The following LMOD3 variants were observed in gnomAD, a reference collection of about 807,000 sequenced individuals.
LMOD3 encodes leiomodin 3.
LMOD3 carries 31 observed loss-of-function variants against 41.8 expected under a neutral mutation model. The observed-to-expected ratio is 0.74, with a 90% CI of 0.56 to 1.00. The LOEUF is 1.00. LMOD3 is among the 50% of genes least tolerant of loss of function. The pLI is 0.00. For synonymous variants in LMOD3, 292 were observed against 241.9 expected, an observed-to-expected ratio of 1.21 and a Z score of -1.92; for missense variants, 755 against 679.5, an observed-to-expected ratio of 1.11 and a Z score of -1.23.
At chr3:69,111,490 G>A (rs1241521392) in intron 2 of LMOD3, among the ~76,000 whole-genome samples, 1 of 152,104 alleles carries the variant, frequency 6.6e-6, no homozygotes, top group Non-Finnish European at 1.5e-5. Context: ...ATTATGGAAT[G>A]GAAAAAGAAG....
In LMOD3 at chr3:69,107,200, C is replaced by T. The variant is rs2092326320; in HGVS notation, c.*1895G>A. 1 of 151,886 alleles carries T rather than the reference C, an allele frequency of 6.6e-6. No homozygotes were observed. The highest frequency in any genetic ancestry group is 2.1e-4 in the South Asian group (1 of 4,830). The allele number at this position is 151,886 out of a possible 1,614,324, so 9.4% of individuals were successfully genotyped here. ...TTGAAGGGTGAGAAAACAAAACTAT[C>T]AGCCATTGAAAACTATATTTAAATT... On this transcript the variant is annotated 3_prime_UTR_variant, in exon 3 of 3. Transcript: ENST00000420581.
At chr3:69,120,411 T>G (rs2092402027) in intron 1 of LMOD3, among the ~76,000 whole-genome samples, 1 of 151,920 alleles carries the variant, frequency 6.6e-6, no homozygotes, top group South Asian at 2.1e-4. Context: ...AGTCCTGAGT[T>G]AGGGCAATAA....
At position 69,119,755 on chromosome 3, in the gene LMOD3, T is replaced by C; in HGVS notation, c.600A>G (p.Arg200=). 6.2e-7 allele frequency: 1 copy of C among 1,613,724 alleles called. No individual in the cohort carries two copies. Among genetic ancestry groups the C allele is most frequent in the Non-Finnish European group, 8.5e-7 (1 of 1,179,754 alleles). ...QVTDKAFKEQ[R]DRPEAQEQSE... is the part of the protein sequence containing the mutation. ...TTTGTTCTTGGGCCTCTGGTCTGTCTCTCTGTTCTTTGAATGCTTTGTCAG... is the reference window on the plus strand; with the variant it reads ...TTTGTTCTTGGGCCTCTGGTCTGTCCCTCTGTTCTTTGAATGCTTTGTCAG... Residue 200 remains arginine (R), a synonymous_variant, in exon 2 of 3, where the codon AGA becomes AGG. Transcript: ENST00000420581.
rs958282384 is a variant in LMOD3, at chr3:69,107,352, C to G, written c.*1743G>C. The G allele has an allele frequency of 6.7e-6, 1 of 149,586 alleles. No homozygotes were observed. Among genetic ancestry groups the G allele is most frequent in the Admixed American group, 6.7e-5 (1 of 14,850 alleles). The allele number at this position is 149,586 out of a possible 1,614,324, so 9.3% of individuals were successfully genotyped here. On this transcript the variant is annotated 3_prime_UTR_variant, in exon 3 of 3. Transcript: ENST00000420581. ...CACAATTAGACCTATTCTCCCCTAG[C>G]CTGTTTGGTTTGATACATGCCACTT...
At chr3:69,116,832 T>C (rs1216068175) in intron 2 of LMOD3, among the ~76,000 whole-genome samples, 2 of 152,196 alleles carry the variant, frequency 1.3e-5, no homozygotes, top group Non-Finnish European at 2.9e-5. Context: ...ATGGATTTGC[T>C]CAGCAGAGCA....
At chr3:69,112,624 G>C (rs1406155918) in intron 2 of LMOD3, among the ~76,000 whole-genome samples, 1 of 152,210 alleles carries the variant, frequency 6.6e-6, no homozygotes, top group African/African-American at 2.4e-5. Context: ...TTGAGGCAAA[G>C]GGTGGTACAG....
intron 2 of LMOD3, among the ~76,000 whole-genome samples, chr3:69,116,440 T>G (rs775978350): frequency 2.6e-5 from 4 of 152,216 alleles, no homozygotes; most frequent in Non-Finnish European, 4.4e-5. Context: ...TCAAAAAGCA[T>G]GTCAGAGTTC....
rs538463450 is a variant in LMOD3 at position 69,119,270 on chromosome 3, C to T, written c.1085G>A (p.Arg362Lys). 1.9e-6 allele frequency: 3 copies of T among 1,613,934 alleles called. No individual in the cohort carries two copies. The South Asian group carries it at 3.3e-5, about 18-fold the overall frequency. Residue 362 changes from arginine (R) to lysine (K), a missense_variant, in exon 2 of 3, where the codon AGG becomes AAG. Coordinates refer to ENST00000420581, the MANE Select transcript of LMOD3 (RefSeq NM_198271.5). ...LGHHAEMEIA[R>K]LLKANNTLLK... ...GAGAGTGTTGTTTGCCTTCAAAAGC[C>T]TGGCTATTTCCATTTCAGCATGGTG...
At chr3:69,113,270 T>C (rs1215604834) in intron 2 of LMOD3, among the ~76,000 whole-genome samples, 1 of 152,112 alleles carries the variant, frequency 6.6e-6, no homozygotes, top group East Asian at 1.9e-4. Flanking sequence ...TGGGGACAGA[T>C]TGAACGTGCT....
At chr3:69,116,370 C>A (rs2092373160) in intron 2 of LMOD3, among the ~76,000 whole-genome samples, 1 of 152,320 alleles carries the variant, frequency 6.6e-6, no homozygotes, top group South Asian at 2.1e-4. Flanking sequence ...GGAGAAATTG[C>A]CAATCCTTCA....
chr3:69,114,989 T>G (rs1479404046), intron 2 of LMOD3, among the ~76,000 whole-genome samples: 1 of 152,152 alleles, frequency 6.6e-6, no homozygotes. Flanking sequence ...CCTCAGCCTC[T>G]TGTGTAGCTG....
intron 2 of LMOD3, among the ~76,000 whole-genome samples, chr3:69,118,051 T>C (rs9832917): frequency 0.17 from 25,437 of 152,118 alleles, 4,810 homozygotes; most frequent in East Asian, 0.46. Flanking sequence ...AGAATGATCT[T>C]GATCTCTTGA....
At chr3:69,116,185 G>A (rs1467046030) in intron 2 of LMOD3, among the ~76,000 whole-genome samples, 1 of 152,230 alleles carries the variant, frequency 6.6e-6, no homozygotes, top group African/African-American at 2.4e-5. Flanking sequence ...CAGAAACAGA[G>A]TGCTGGGAAG....
At position 69,118,800 on chromosome 3, in the gene LMOD3, T is replaced by C; in HGVS notation, c.1555A>G (p.Lys519Glu). 1.2e-6 allele frequency: 2 copies of C among 1,611,462 alleles called. No homozygotes were observed. The highest frequency in any genetic ancestry group is 8.5e-7 in the Non-Finnish European group (1 of 1,179,314). ...GGTGGCCTGTTTCTCGGCACTGGCT[T>C]GAGCGTTTTGATGACATCTTTGAGG... is the stretch of plus-strand genomic sequence containing the variant. The part of the protein sequence containing the change: ...TNLKDVIKTL[K>E]PVPRNRPPPL... The change falls in exon 2 of 3, where the codon AAG becomes GAG. Residue 519 changes from lysine (K) to glutamate (E), a missense_variant. Transcript: ENST00000420581.
chr3:69,108,861 A>G lies in LMOD3; in HGVS notation c.*234T>C, dbSNP rs573305843. The G allele has an allele frequency of 2.0e-4, 78 of 394,324 alleles. No homozygotes were observed. The highest frequency in any genetic ancestry group is 3.5e-4 in the Admixed American group (8 of 22,774). 24.4% of individuals were successfully genotyped at this position (394,324 alleles called of 1,614,324 possible). On this transcript the variant is annotated 3_prime_UTR_variant, in exon 3 of 3. Coordinates refer to ENST00000420581, the MANE Select transcript of LMOD3 (RefSeq NM_198271.5). ...ACCTGAGTCACTCAAATTGATTGCA[A>G]GTAGAAAATATTGCCTCTAAATATT...
intron 2 of LMOD3, among the ~76,000 whole-genome samples, chr3:69,110,853 A>AAT (rs1302203949): frequency 0.069 from 7,082 of 103,378 alleles, 435 homozygotes; most frequent in Non-Finnish European, 0.093. Flanking sequence ...AAAAAAAAAA[A>AAT]ATATATATAT....
In LMOD3 at chr3:69,117,304, G is replaced by A. The variant is rs17399226; in HGVS notation, c.1656+1395C>T. ...CATTCTAGGAGTTGGGAATAAGGACGATACATATGTGAAAGACTAGCAATT... is the reference window on the plus strand; with the variant it reads ...CATTCTAGGAGTTGGGAATAAGGACAATACATATGTGAAAGACTAGCAATT... On this transcript the variant is annotated intron_variant, in intron 2 of 2. Transcript: ENST00000420581. Among the ~76,000 whole-genome samples the A allele has an allele frequency of 3.5e-3, 533 of 152,254 alleles. 3 individuals are homozygous for A. Among genetic ancestry groups the A allele is most frequent in the Non-Finnish European group, 6.2e-3 (422 of 68,022 alleles).
At position 69,108,346 on chromosome 3, in the gene LMOD3, A is replaced by G. The variant is rs998893618; in HGVS notation, c.*749T>C. On this transcript the variant is annotated 3_prime_UTR_variant, in exon 3 of 3. Transcript: ENST00000420581. ...GCATGCTGTCTCCCATTGTCCCTCT[A>G]TATATGAAAACTTGCTGCCAGGAAG... 1 of 152,120 alleles carries G rather than the reference A, an allele frequency of 6.6e-6. No individual in the cohort carries two copies. The highest frequency in any genetic ancestry group is 1.5e-5 in the Non-Finnish European group (1 of 68,014). 9.4% of individuals were successfully genotyped at this position (152,120 alleles called of 1,614,324 possible).
intron 2 of LMOD3, among the ~76,000 whole-genome samples, chr3:69,116,091 AAAC>A (rs1472724843): frequency 3.9e-5 from 6 of 152,220 alleles, no homozygotes; most frequent in Admixed American, 1.3e-4. Flanking sequence ...CCTCAAAACA[AAAC>A]AAAAAAATTA....
Sources: allele counts gnomAD v4.1 joint callset (sites outside exome capture counted in the v4.1 genomes callset), GRCh38; gene constraint gnomAD v4.1.1; transcripts MANE v1.5; gene names NCBI Gene and HGNC (gene_info 2026-07-23, HGNC 2026-07-21).